Variants in SEL1L2 observed in about 807,000 individuals in gnomAD.
The protein encoded by SEL1L2 is protein sel-1 homolog 2.
SEL1L2 carries 89 observed loss-of-function variants against 98.8 expected under a neutral mutation model. The observed-to-expected ratio is 0.90, with a 90% CI of 0.76 to 1.07. The LOEUF (loss-of-function observed/expected upper bound fraction) is 1.07, where lower values mean the gene tolerates loss of function less well. SEL1L2 is among the 50% of genes least tolerant of loss of function. SEL1L2 has a pLI of 0.00. For synonymous variants in SEL1L2, 262 were observed against 278.5 expected (o/e 0.94, Z 0.59); for missense variants, 788 against 812.0 (o/e 0.97, Z 0.36).
chr20:13,912,908 T>G (rs1386179960), intron 5 of SEL1L2, among the ~76,000 whole-genome samples: 6 of 152,240 alleles, frequency 3.9e-5, no homozygotes, highest in Non-Finnish European at 7.3e-5. Context: ...ATAGTTAGCA[T>G]TTTATTTCTA....
intron 14 of SEL1L2, 118 bp from the exon 15 acceptor site, chr20:13,866,968 A>T (rs1991147215): frequency 1.0e-6 from 1 of 1,000,558 alleles, no homozygotes; most frequent in African/African-American, 1.7e-5. Context: ...AAAGCCAACC[A>T]AAAGTCAAGC....
chr20:13,855,391 G>C (rs534425913), intron 18 of SEL1L2, among the ~76,000 whole-genome samples: 1 of 152,086 alleles, frequency 6.6e-6, no homozygotes, highest in East Asian at 1.9e-4. Flanking sequence ...TTGCTTGTTT[G>C]TATTTTTTGG....
At chr20:13,985,737 A>G (rs1389453172) in intron 1 of SEL1L2, among the ~76,000 whole-genome samples, 1 of 152,170 alleles carries the variant, frequency 6.6e-6, no homozygotes, top group Non-Finnish European at 1.5e-5. Context: ...ATTTATGCAA[A>G]CATCCCACAA....
At chr20:13,918,906 G>T in intron 4 of SEL1L2, 115 bp downstream of exon 4, 1 of 668,746 alleles carries the variant, frequency 1.5e-6, no homozygotes, top group South Asian at 2.0e-5. Flanking sequence ...TAGTTTATGG[G>T]CAAATAGGCT....
intron 10 of SEL1L2, among the ~76,000 whole-genome samples, chr20:13,879,875 T>A (rs2046613463): frequency 6.6e-6 from 1 of 152,138 alleles, no homozygotes. Flanking sequence ...CCAAAATATG[T>A]CCCCAGGTAA....
In SEL1L2 at chr20:13,850,197, A is replaced by G. The variant is rs1987997373; in HGVS notation, c.1941T>C (p.Phe647=). The G allele has an allele frequency of 6.2e-7, 1 of 1,613,902 alleles. No individual in the cohort carries two copies. Among genetic ancestry groups the G allele is most frequent in the Non-Finnish European group, 8.5e-7 (1 of 1,179,804 alleles). ...CTGTTCAAGACAAACTTACATTAAA[A>G]AACAGGATATCCCGGAGCAAATGCG... ...ETTHLLRDIL[F]FNFTTRWNWL... The change falls in exon 19 of 20, where the codon TTT becomes TTC. Residue 647 remains phenylalanine, a synonymous_variant. Coordinates refer to ENST00000284951, the MANE Select transcript of SEL1L2 (RefSeq NM_025229.2).
At chr20:13,851,658 C>A (rs1180029804) in intron 18 of SEL1L2, among the ~76,000 whole-genome samples, 1 of 151,728 alleles carries the variant, frequency 6.6e-6, no homozygotes, top group African/African-American at 2.4e-5. Flanking sequence ...CAAGGTGGAG[C>A]TGCTTTTAAA....
chr20:13,901,785 C>T (rs1427167355), intron 5 of SEL1L2, among the ~76,000 whole-genome samples: 2 of 151,886 alleles, frequency 1.3e-5, no homozygotes, highest in African/African-American at 4.8e-5. Flanking sequence ...CCTCAGCCTC[C>T]GGAGTAGCTG....
chr20:13,964,230 T>C (rs544029596), intron 1 of SEL1L2, among the ~76,000 whole-genome samples: 3 of 152,174 alleles, frequency 2.0e-5, no homozygotes, highest in Non-Finnish European at 2.9e-5. Flanking sequence ...GAAAATATGT[T>C]CTATCCCCCT....
At chr20:13,860,606 G>C (rs1265032323) in intron 17 of SEL1L2, among the ~76,000 whole-genome samples, 1 of 152,022 alleles carries the variant, frequency 6.6e-6, no homozygotes, top group Non-Finnish European at 1.5e-5. Context: ...CTTCCTAAAT[G>C]TGGAATGTCA....
chr20:13,888,215 A>G (rs1024077566), intron 6 of SEL1L2, among the ~76,000 whole-genome samples: 2 of 152,206 alleles, frequency 1.3e-5, no homozygotes, highest in African/African-American at 4.8e-5. Context: ...GGCATTGTAT[A>G]AGATATTTCA....
intron 3 of SEL1L2, among the ~76,000 whole-genome samples, chr20:13,931,075 G>A (rs1038071296): frequency 4.1e-5 from 6 of 147,992 alleles, no homozygotes; most frequent in Admixed American, 1.4e-4. Context: ...ACGGAGTCTC[G>A]CTGTGTCACC....
At chr20:13,947,442 G>C (rs1045149753) in intron 2 of SEL1L2, among the ~76,000 whole-genome samples, 10 of 152,294 alleles carry the variant, frequency 6.6e-5, no homozygotes, top group African/African-American at 2.4e-4. Flanking sequence ...GCGGAAAGGA[G>C]CTACCCACTT....
In SEL1L2 at chr20:13,897,872, C is replaced by CA. The variant is rs552015856; in HGVS notation, c.550-9361dup. On this transcript the variant is annotated intron_variant, in intron 5 of 19. Coordinates refer to ENST00000284951, the MANE Select transcript of SEL1L2 (RefSeq NM_025229.2). ...AAGAGCGAAAACTCCCTCTCAAAAA[C>CA]AAAAAAACAAAACAAAAAAAAACCC... is the stretch of plus-strand genomic sequence containing the variant. Among the ~76,000 whole-genome samples, 45 of 146,152 alleles carry CA rather than the reference C, an allele frequency of 3.1e-4. No homozygotes were observed. In the East Asian group the frequency reaches 7.8e-3, roughly 25 times the overall value.
intron 18 of SEL1L2, among the ~76,000 whole-genome samples, chr20:13,852,023 A>G (rs1988346584): frequency 6.6e-6 from 1 of 152,222 alleles, no homozygotes; most frequent in Admixed American, 6.5e-5. Flanking sequence ...GCAACATTAA[A>G]TAGATGTTGT....
intron 10 of SEL1L2, among the ~76,000 whole-genome samples, chr20:13,878,909 C>T (rs2046561934): frequency 6.6e-6 from 1 of 152,170 alleles, no homozygotes; most frequent in Admixed American, 6.5e-5. Flanking sequence ...ATAAAAGAAA[C>T]TCCATAAGGA....
chr20:13,877,945 G>T (rs1434988094), intron 10 of SEL1L2, among the ~76,000 whole-genome samples: 1 of 152,216 alleles, frequency 6.6e-6, no homozygotes, highest in Non-Finnish European at 1.5e-5. Context: ...AGGCTTCTCT[G>T]TTGACACTGT....
intron 1 of SEL1L2, among the ~76,000 whole-genome samples, chr20:13,979,784 A>C (rs1042228536): frequency 1.3e-5 from 2 of 152,202 alleles, no homozygotes; most frequent in African/African-American, 4.8e-5. Flanking sequence ...GAAAAGCTTC[A>C]TAGTATTAGC....
chr20:13,952,969 A>G (rs763009266), intron 2 of SEL1L2, among the ~76,000 whole-genome samples: 13 of 152,132 alleles, frequency 8.5e-5, no homozygotes, highest in Non-Finnish European at 1.5e-4. Flanking sequence ...GCTTGCAGTG[A>G]AAGCCTTCTT....
Sources: allele counts gnomAD v4.1 joint callset (sites outside exome capture counted in the v4.1 genomes callset), GRCh38; gene constraint gnomAD v4.1.1; transcripts MANE v1.5; gene names NCBI Gene and HGNC (gene_info 2026-07-23, HGNC 2026-07-21).